Variants in SUOX observed in about 807,000 individuals in gnomAD.
SUOX encodes the protein sulfite oxidase.
A neutral mutation model predicts 41.9 loss-of-function variants in SUOX; 39 were observed. That is an observed-to-expected ratio of 0.93 (90% CI 0.72 to 1.21). SUOX has a LOEUF of 1.21. Among genes scored for constraint, SUOX ranks in the 50% most tolerant of loss-of-function variants. SUOX has a pLI of 0.00. For missense variants in SUOX, 633 were observed against 689.5 expected (o/e 0.92, Z 0.92); for synonymous variants, 220 against 268.4 (o/e 0.82, Z 1.76).
At chr12:56,000,335 T>G (rs917612753) in intron 2 of SUOX, among the ~76,000 whole-genome samples, 1 of 152,174 alleles carries the variant, frequency 6.6e-6, no homozygotes, top group Non-Finnish European at 1.5e-5. Flanking sequence ...GCAGCGCTGG[T>G]GGGCCGGCAC....
chr12:56,002,496 C>A (rs773178906), intron 3 of SUOX, 47 bp from the exon 4 acceptor site: 1 of 1,611,288 alleles, frequency 6.2e-7, no homozygotes, highest in Non-Finnish European at 8.5e-7. Flanking sequence ...CCTTCACTAG[C>A]CCTTTCACAT....
In SUOX at chr12:56,002,574, C is replaced by T. The variant is rs772182562; in HGVS notation, c.82C>T (p.Gln28Ter). 1.2e-6 allele frequency: 2 copies of T among 1,614,058 alleles called. No homozygotes were observed. Among genetic ancestry groups the T allele is most frequent in the Non-Finnish European group, 1.7e-6 (2 of 1,180,042 alleles). ...LKSIPSRICI[Q>*]ACSTNDSFQP... ...GTCAATCCCCTCAAGGATCTGCATT[C>T]AGGCCTGCTCCACAAATGATTCATT... Residue 28 changes from glutamine (Q) to a stop codon, truncating the protein, a stop_gained, in exon 4 of 5, where the codon CAG (glutamine) becomes TAG (stop). Transcript: ENST00000266971. LOFTEE classifies it high-confidence loss of function.
In SUOX at chr12:56,005,141, A is replaced by C; in HGVS notation, c.*114A>C. 1 of 1,183,400 alleles carries C rather than the reference A, an allele frequency of 8.5e-7. No individual in the cohort carries two copies. The highest frequency in any genetic ancestry group is 1.2e-6 in the Non-Finnish European group (1 of 811,118). 73.3% of individuals were successfully genotyped at this position (1,183,400 alleles called of 1,614,324 possible). A position where few individuals can be genotyped will look rare whatever the true frequency, so the allele number is the denominator to read the frequency against. ...CACAACTCTGGCCTTCCTAAGCCAT[A>C]CCCAAGTACACATATAGCACATTTC... On this transcript the variant is annotated 3_prime_UTR_variant, in exon 5 of 5. Transcript: ENST00000266971.
chr12:56,002,634 G>A lies in SUOX; in HGVS notation c.142G>A (p.Asp48Asn). The change falls in exon 4 of 5, where the codon GAT (aspartate) becomes AAT (asparagine). Residue 48 changes from aspartate to asparagine, a missense_variant. Transcript: ENST00000266971. ...GCGCCCCAGCCTCACCTTCTCTGGT[G>A]ATAACTCCAGCACCCAGGGATGGAG... ...PQRPSLTFSG[D>N]NSSTQGWRVM... 6.2e-7 allele frequency: 1 copy of A among 1,613,950 alleles called. No homozygotes were observed.
chr12:56,004,349 A>G lies in SUOX; in HGVS notation c.960A>G (p.Gly320=). ...CETEAHVCFE[G]LDSDPTGTAY... is the part of the protein sequence containing the mutation. ...CTGAGGCCCACGTCTGCTTTGAGGG[A>G]CTGGACTCAGACCCTACTGGGACTG... The change falls in exon 5 of 5, where the codon GGA becomes GGG. Residue 320 remains glycine (G), a synonymous_variant. Coordinates refer to ENST00000266971, the MANE Select transcript of SUOX (RefSeq NM_001032386.2). This position sits in a 1 kb window ranked among gnomAD's most constrained non-coding sequence, Gnocchi z 4.5. 1 of 1,613,972 alleles carries G rather than the reference A, an allele frequency of 6.2e-7. No individual in the cohort carries two copies. The highest frequency in any genetic ancestry group is 1.1e-5 in the South Asian group (1 of 91,074).
intron 3 of SUOX, 130 bp from the exon 4 acceptor site, chr12:56,002,413 C>A: frequency 6.7e-7 from 1 of 1,500,914 alleles, no homozygotes; most frequent in Non-Finnish European, 9.2e-7. Context: ...ACTTTTCCCA[C>A]CTATCCCTGG....
Position 56,002,219 on chromosome 12 carries a change from A to G in SUOX, c.-3A>G. On this transcript the variant is annotated 5_prime_UTR_variant, in exon 3 of 5. Transcript: ENST00000266971. ...AGAATCTTCCTTCTACAGGTCTGCT[A>G]CAATGCTGCTGCTGCACAGAGCTGT... 2 of 1,613,204 alleles carry G rather than the reference A, an allele frequency of 1.2e-6. No homozygotes were observed. The highest frequency in any genetic ancestry group is 1.1e-5 in the South Asian group (1 of 91,080).
In SUOX at chr12:56,004,194, C is replaced by T. The variant is rs747915576; in HGVS notation, c.805C>T (p.Arg269Cys). 3.7e-6 allele frequency: 6 copies of T among 1,614,144 alleles called. No individual in the cohort carries two copies. Among genetic ancestry groups the T allele is most frequent in the African/African-American group, 1.3e-5 (1 of 75,006 alleles). The change falls in exon 5 of 5, where the codon CGC becomes TGC. Residue 269 changes from arginine to cysteine, a missense_variant. Arg to Cys is a radical substitution (Grantham distance 180). Transcript: ENST00000266971. This position sits in a 1 kb window ranked among gnomAD's most constrained non-coding sequence, Gnocchi z 4.5. ...CACTCTGCAGTGTGCCGGCAACCGA[C>T]GCTCTGAGATGACTCAGGTCAAAGA... ...TVTLQCAGNR[R>C]SEMTQVKEVK...
Position 56,004,261 on chromosome 12 carries a change from C to T in SUOX, c.872C>T (p.Ala291Val). ...LEWRTGAIST[A>V]RWAGARLCDV... Reference sequence around the variant, plus strand: ...TGGAGAACAGGAGCCATCAGCACTGCACGCTGGGCTGGGGCACGGCTCTGT... The same window carrying T: ...TGGAGAACAGGAGCCATCAGCACTGTACGCTGGGCTGGGGCACGGCTCTGT... The change falls in exon 5 of 5, where the codon GCA (alanine) becomes GTA (valine). Residue 291 changes from alanine to valine, a missense_variant. Transcript: ENST00000266971. The surrounding 1 kb of genome is among the most constrained non-coding windows in gnomAD (Gnocchi z 4.5). 6.2e-7 allele frequency: 1 copy of T among 1,614,088 alleles called. No homozygotes were observed. The highest frequency in any genetic ancestry group is 8.5e-7 in the Non-Finnish European group (1 of 1,180,038).
chr12:55,998,637 A>T (rs1890399356), intron 2 of SUOX, among the ~76,000 whole-genome samples: 2 of 151,922 alleles, frequency 1.3e-5, no homozygotes, highest in African/African-American at 4.8e-5. Context: ...GGAGTTCAAG[A>T]CCAGCCCTGA....
At position 56,004,807 on chromosome 12, in the gene SUOX, C is replaced by T; in HGVS notation, c.1418C>T (p.Ala473Val). The T allele has an allele frequency of 6.2e-7, 1 of 1,614,108 alleles. No individual in the cohort carries two copies. Among genetic ancestry groups the T allele is most frequent in the Non-Finnish European group, 8.5e-7 (1 of 1,180,010 alleles). Residue 473 changes from alanine (A) to valine (V), a missense_variant, in exon 5 of 5, where the codon GCT (alanine) becomes GTT (valine). Coordinates refer to ENST00000266971, the MANE Select transcript of SUOX (RefSeq NM_001032386.2). The surrounding 1 kb of genome is among the most constrained non-coding windows in gnomAD (Gnocchi z 4.5). ...GATGGGGGCCTAACCTGGCAGGTGGCTAAGCTGGATGGAGAGGAACAGCGC... is the reference window on the plus strand; with the variant it reads ...GATGGGGGCCTAACCTGGCAGGTGGTTAAGCTGGATGGAGAGGAACAGCGC... The part of the protein sequence containing the change: ...SLDGGLTWQV[A>V]KLDGEEQRPR...
chr12:56,004,958 C>G lies in SUOX; in HGVS notation c.1569C>G (p.Ala523=). 6.2e-7 allele frequency: 1 copy of G among 1,614,178 alleles called. No individual in the cohort carries two copies. Among genetic ancestry groups the G allele is most frequent in the Non-Finnish European group, 8.5e-7 (1 of 1,180,026 alleles). The change falls in exon 5 of 5, where the codon GCC becomes GCG. Residue 523 remains alanine, a synonymous_variant. Coordinates refer to ENST00000266971, the MANE Select transcript of SUOX (RefSeq NM_001032386.2). The surrounding 1 kb of genome is among the most constrained non-coding windows in gnomAD (Gnocchi z 4.5). The part of the protein sequence containing the change: ...DGYNVQPDTV[A]PIWNLRGVLS... ...ACAATGTGCAGCCAGACACCGTGGCCCCAATCTGGAACCTGCGAGGTGTTC... is the reference window on the plus strand; with the variant it reads ...ACAATGTGCAGCCAGACACCGTGGCGCCAATCTGGAACCTGCGAGGTGTTC...
In SUOX at chr12:56,002,732, A is replaced by G. The variant is rs1890580888; in HGVS notation, c.228+12A>G. On this transcript the variant is annotated intron_variant, in intron 4 of 4. Transcript: ENST00000266971. ...ACCATCGGTGTAGGGTAAGTAGGGA[A>G]AGTGCTTCATTGTCAGAACAGACTG... 5 of 1,613,742 alleles carry G rather than the reference A, an allele frequency of 3.1e-6. No homozygotes were observed. Among genetic ancestry groups the G allele is most frequent in the Non-Finnish European group, 4.2e-6 (5 of 1,179,948 alleles).
chr12:56,005,369 T>C lies in SUOX; in HGVS notation c.*342T>C. 1.7e-6 allele frequency: 1 copy of C among 586,788 alleles called. No homozygotes were observed. The highest frequency in any genetic ancestry group is 3.0e-6 in the Non-Finnish European group (1 of 330,728). The allele number at this position is 586,788 out of a possible 1,614,324, so 36.3% of individuals were successfully genotyped here. On this transcript the variant is annotated 3_prime_UTR_variant, in exon 5 of 5. Coordinates refer to ENST00000266971, the MANE Select transcript of SUOX (RefSeq NM_001032386.2). ...GCCTTGTTTTGCTTTTCTTTTTGGA[T>C]TGTTCAGAGAAATGTGTGTGGCATG...
Position 56,003,982 on chromosome 12 carries a change from C to T in SUOX, c.593C>T (p.Pro198Leu). The T allele has an allele frequency of 6.2e-7, 1 of 1,614,170 alleles. No homozygotes were observed. Among genetic ancestry groups the T allele is most frequent in the South Asian group, 1.1e-5 (1 of 91,088 alleles). ...AGCCAGCGGCCCTTTAATGCAGAGC[C>T]TCCCCCTGAGCTGCTGACAGAAAAC... ...VNSQRPFNAE[P>L]PPELLTENYI... Residue 198 changes from proline to leucine, a missense_variant, in exon 5 of 5, where the codon CCT becomes CTT. By Grantham distance (98) the Pro-to-Leu change is moderately conservative (BLOSUM62 -3). Transcript: ENST00000266971.
intron 2 of SUOX, chr12:56,001,816 C>T: frequency 1.5e-6 from 1 of 677,122 alleles, no homozygotes; most frequent in Non-Finnish European, 1.9e-6. Flanking sequence ...GTCAGTCTGA[C>T]CCACAGTTGT....
In SUOX at chr12:56,003,875, T is replaced by A; in HGVS notation, c.486T>A (p.Pro162=). 1 of 1,614,078 alleles carries A rather than the reference T, an allele frequency of 6.2e-7. No individual in the cohort carries two copies. Among genetic ancestry groups the A allele is most frequent in the South Asian group, 1.1e-5 (1 of 91,082 alleles). Residue 162 remains proline, a synonymous_variant, in exon 5 of 5, where the codon CCT becomes CCA. Transcript: ENST00000266971. ...LAQYKIGELN[P]EDKVAPTVET... The stretch of plus-strand genomic sequence containing the variant: ...AGTACAAGATTGGGGAGCTGAATCC[T>A]GAAGACAAGGTAGCCCCCACCGTGG...
At chr12:56,003,498 T>G in intron 4 of SUOX, 120 bp from the exon 5 acceptor site, 1 of 891,262 alleles carries the variant, frequency 1.1e-6, no homozygotes, top group East Asian at 2.5e-5. Context: ...CGACCTTATG[T>G]GATCCGCCCA....
intron 2 of SUOX, chr12:56,001,410 C>T (rs1300853992): frequency 6.6e-6 from 1 of 152,156 alleles, no homozygotes; most frequent in East Asian, 1.9e-4. Flanking sequence ...AGACGTGAGC[C>T]ACTGCGCCGG....
Sources: gnomAD v4.1 joint callset for allele counts (sites outside exome capture counted in the v4.1 genomes callset) on GRCh38, gnomAD v4.1.1 for gene constraint, Gnocchi (gnomAD v3.1) non-coding constraint, MANE v1.5 for transcripts, NCBI Gene and HGNC (gene_info 2026-07-23, HGNC 2026-07-21) for gene names.